Variants in KIF13B observed in about 807,000 individuals in gnomAD.
The protein encoded by KIF13B is kinesin family member 13B.
A neutral mutation model predicts 222.0 loss-of-function variants in KIF13B; 127 were observed. The observed-to-expected ratio is 0.57, with a 90% confidence interval of 0.50 to 0.66. KIF13B has a LOEUF of 0.66. Among genes scored for constraint, KIF13B ranks in the 30% least tolerant of loss-of-function variants. KIF13B has a pLI of 0.00. For missense variants in KIF13B, 2,173 were observed against 2,379.0 expected (o/e 0.91, Z 1.80); for synonymous variants, 976 against 919.0 (o/e 1.06, Z -1.12).
At chr8:29,128,843 G>T (rs554644438) in intron 24 of KIF13B, among the ~76,000 whole-genome samples, 1 of 152,296 alleles carries the variant, frequency 6.6e-6, no homozygotes, top group South Asian at 2.1e-4. Flanking sequence ...AAGCTAATCA[G>T]TTGTCCTCTG....
chr8:29,231,494 CA>C (rs1226855698), intron 2 of KIF13B, among the ~76,000 whole-genome samples: 3 of 152,178 alleles, frequency 2.0e-5, no homozygotes, highest in African/African-American at 7.2e-5. Flanking sequence ...AATCACTGAA[CA>C]GGCCAAGCGT....
At chr8:29,262,863 G>T in intron 1 of KIF13B, 117 bp downstream of exon 1, 1 of 751,924 alleles carries the variant, frequency 1.3e-6, no homozygotes, top group Non-Finnish European at 2.0e-6. Context: ...GCCCCTCCTC[G>T]CGCCCCGCCG....
intron 2 of KIF13B, among the ~76,000 whole-genome samples, chr8:29,197,151 A>C (rs1340391793): frequency 6.6e-6 from 1 of 151,286 alleles, no homozygotes; most frequent in Non-Finnish European, 1.5e-5. Flanking sequence ...TCCCGGCTAA[A>C]ACGGTGAAAC....
chr8:29,250,838 T>C (rs1310336033), intron 1 of KIF13B, among the ~76,000 whole-genome samples: 2 of 152,216 alleles, frequency 1.3e-5, no homozygotes, highest in Non-Finnish European at 2.9e-5. Flanking sequence ...ATGCTATAGC[T>C]AGTGTACCAT....
chr8:29,254,410 T>C (rs1057244465), intron 1 of KIF13B, among the ~76,000 whole-genome samples: 1 of 152,214 alleles, frequency 6.6e-6, no homozygotes, highest in African/African-American at 2.4e-5. Context: ...TTGCAAATCA[T>C]CTATTTGATA....
At chr8:29,152,118 A>G (rs1350521363) in intron 14 of KIF13B, among the ~76,000 whole-genome samples, 1 of 152,206 alleles carries the variant, frequency 6.6e-6, no homozygotes, top group African/African-American at 2.4e-5. Flanking sequence ...AGCAAGAGAC[A>G]TGAATAAGAA....
intron 2 of KIF13B, among the ~76,000 whole-genome samples, chr8:29,241,412 T>C (rs900784107): frequency 6.6e-6 from 1 of 152,238 alleles, no homozygotes. Flanking sequence ...CAATAAATCT[T>C]TTAAAAAATA....
intron 37 of KIF13B, among the ~76,000 whole-genome samples, chr8:29,076,376 T>C (rs1807559233): frequency 1.3e-5 from 2 of 152,236 alleles, no homozygotes; most frequent in South Asian, 4.1e-4. Flanking sequence ...GCTCGGTTAC[T>C]GAACTTTAAC....
chr8:29,202,011 G>A (rs1014875868), intron 2 of KIF13B, among the ~76,000 whole-genome samples: 4 of 152,186 alleles, frequency 2.6e-5, no homozygotes, highest in African/African-American at 7.2e-5. Context: ...AGCCCTGTTC[G>A]TTGTGTCCTC....
intron 6 of KIF13B, 39 bp from the exon 7 acceptor site, chr8:29,182,045 G>T: frequency 6.6e-7 from 1 of 1,520,588 alleles, no homozygotes. Context: ...TTTAACAATA[G>T]CCTATTTTTA....
At position 29,070,305 on chromosome 8, in the gene KIF13B, G is replaced by A. The variant is rs2133457889; in HGVS notation, c.*199C>T. On this transcript the variant is annotated 3_prime_UTR_variant, in exon 40 of 40. Transcript: ENST00000524189. This position sits in a 1 kb window ranked among gnomAD's most constrained non-coding sequence, Gnocchi z 4.1. ...CATCCACCTGAGGAGGCACAGTTGA[G>A]GCCCCCACTTTACCCGGGTACAGAA... 6.5e-6 allele frequency: 4 copies of A among 618,524 alleles called. No homozygotes were observed. The East Asian group carries it at 8.6e-5, about 13-fold the overall frequency. The allele number at this position is 618,524 out of a possible 1,614,324, so 38.3% of individuals were successfully genotyped here. A position where few individuals can be genotyped will look rare whatever the true frequency, so the allele number is the denominator to read the frequency against.
intron 26 of KIF13B, among the ~76,000 whole-genome samples, chr8:29,125,494 C>G (rs1159226240): frequency 6.6e-6 from 1 of 152,128 alleles, no homozygotes; most frequent in Non-Finnish European, 1.5e-5. Context: ...TGATTAATGT[C>G]AGCTTGAAAA....
intron 3 of KIF13B, among the ~76,000 whole-genome samples, chr8:29,194,306 T>C (rs1168316898): frequency 7.2e-6 from 1 of 139,278 alleles, no homozygotes; most frequent in Non-Finnish European, 1.6e-5. Flanking sequence ...TTTTTTTTTT[T>C]ACTTGTCTTT....
At chr8:29,082,883 C>T (rs1291798161) in intron 37 of KIF13B, among the ~76,000 whole-genome samples, 2 of 152,116 alleles carry the variant, frequency 1.3e-5, no homozygotes, top group African/African-American at 2.4e-5. Context: ...CCAGCACTTC[C>T]GGAGGCTGAG....
At chr8:29,244,332 A>G (rs992648094) in intron 2 of KIF13B, among the ~76,000 whole-genome samples, 1 of 152,090 alleles carries the variant, frequency 6.6e-6, no homozygotes, top group Non-Finnish European at 1.5e-5. Flanking sequence ...TTTCAACTCA[A>G]TTAAACTCAA....
At chr8:29,109,782 C>T in intron 33 of KIF13B, 136 bp downstream of exon 33, 1 of 878,666 alleles carries the variant, frequency 1.1e-6, no homozygotes, top group Non-Finnish European at 1.7e-6. Flanking sequence ...ATTACAATCA[C>T]TCTGGATTAT....
In KIF13B at chr8:29,124,101, C is replaced by T. The variant is rs759564273; in HGVS notation, c.3275G>A (p.Arg1092His). The T allele has an allele frequency of 5.8e-5, 93 of 1,610,838 alleles. 1 individual carries two copies. Among genetic ancestry groups the T allele is most frequent in the Non-Finnish European group, 6.9e-5 (81 of 1,177,436 alleles). The change falls in exon 27 of 40, where the codon CGT becomes CAT. Residue 1092 changes from arginine (R) to histidine (H), a missense_variant. By Grantham distance (29) the Arg-to-His change is conservative. Around this residue, in one of 2 missense-constraint regions of KIF13B, gnomAD observed 1,480 missense variants for 1,722.8 expected, o/e 0.86. Transcript: ENST00000524189. The part of the protein sequence containing the change: ...SYQDRDLERL[R>H]RKWLNALTKR... ...TGTTAATGCATTTAGCCATTTTCTA[C>T]GAAGTCTCTCTAAATCTCGATCCTG...
intron 2 of KIF13B, among the ~76,000 whole-genome samples, chr8:29,206,216 G>A (rs1813929981): frequency 6.6e-6 from 1 of 152,218 alleles, no homozygotes; most frequent in African/African-American, 2.4e-5. Context: ...CTTGAGCCCA[G>A]GAGTTCCAGA....
At chr8:29,212,645 CA>C (rs1213309659) in intron 2 of KIF13B, among the ~76,000 whole-genome samples, 2 of 151,994 alleles carry the variant, frequency 1.3e-5, no homozygotes, top group Non-Finnish European at 2.9e-5. Context: ...TAACCACATT[CA>C]AGCTCCTTCA....
Sources: gnomAD v4.1 joint callset for allele counts (sites outside exome capture counted in the v4.1 genomes callset) on GRCh38, gnomAD v4.1.1 for gene constraint, gnomAD v4.1.1 regional missense constraint, Gnocchi (gnomAD v3.1) non-coding constraint, MANE v1.5 for transcripts, NCBI Gene and HGNC (gene_info 2026-07-23, HGNC 2026-07-21) for gene names.